Variants in PDZRN3 observed in about 807,000 individuals in gnomAD.
PDZRN3 encodes E3 ubiquitin-protein ligase PDZRN3.
A neutral mutation model predicts 85.7 loss-of-function variants in PDZRN3; 38 were observed. The observed-to-expected ratio is 0.44, with a 90% CI of 0.34 to 0.58. The LOEUF is 0.58. Ranked by LOEUF, PDZRN3 falls within the 20% of genes least tolerant of loss-of-function variation. PDZRN3 has a pLI of 0.01. For missense variants in PDZRN3, 1,629 were observed against 1,506.4 expected, an observed-to-expected ratio of 1.08 and a Z score of -1.35; for synonymous variants, 759 against 638.0, an observed-to-expected ratio of 1.19 and a Z score of -2.86.
chr3:73,519,401 A>C (rs1704312572), intron 3 of PDZRN3, among the ~76,000 whole-genome samples: 2 of 152,244 alleles, frequency 1.3e-5, no homozygotes, highest in African/African-American at 4.8e-5. Flanking sequence ...AGAGTCTAAA[A>C]GCGATATATA....
chr3:73,509,139 T>C (rs996875055), intron 3 of PDZRN3, among the ~76,000 whole-genome samples: 2 of 152,252 alleles, frequency 1.3e-5, no homozygotes, highest in Non-Finnish European at 2.9e-5. Context: ...TAGTAGTTTT[T>C]AAAACACACA....
At chr3:73,526,134 C>T (rs142858494) in intron 3 of PDZRN3, among the ~76,000 whole-genome samples, 1 of 152,222 alleles carries the variant, frequency 6.6e-6, no homozygotes, top group East Asian at 1.9e-4. Flanking sequence ...ATATTACCTA[C>T]CTCATGTTTT....
intron 3 of PDZRN3, among the ~76,000 whole-genome samples, chr3:73,509,539 A>G (rs1704126847): frequency 6.6e-6 from 1 of 152,196 alleles, no homozygotes; most frequent in African/African-American, 2.4e-5. Flanking sequence ...GCTATGGCTC[A>G]AAGGGGCGTT....
rs550233521 is a variant in PDZRN3 at position 73,623,788 on chromosome 3, T to G, written c.723+315A>C. On this transcript the variant is annotated intron_variant, in intron 1 of 9. Coordinates refer to ENST00000263666, the MANE Select transcript of PDZRN3 (RefSeq NM_015009.3). ...TGAGCAGCAAAGCCTTTGAACGCAG[T>G]TTTGACTCTGGAGCTGCATTCTTCA... 1.0e-4 allele frequency: 27 copies of G among 263,106 alleles called. No homozygotes were observed. In the South Asian group the frequency reaches 3.6e-3, roughly 35 times the overall value. The allele number at this position is 263,106 out of a possible 1,614,324, so 16.3% of individuals were successfully genotyped here. A position where few individuals can be genotyped will look rare whatever the true frequency, so the allele number is the denominator to read the frequency against.
At position 73,457,056 on chromosome 3, in the gene PDZRN3, G is replaced by C. The variant is rs1478038455; in HGVS notation, c.919-52661C>G. 3.9e-5 allele frequency among the ~76,000 whole-genome samples: 6 copies of C among 152,220 alleles called. No individual in the cohort carries two copies. In the East Asian group the frequency reaches 1.2e-3, roughly 29 times the overall value. ...GTAATATGAATGGATTCATGGCAGG[G>C]AGAAAGAAATTTCTACCTTAGCTCA... On this transcript the variant is annotated intron_variant, in intron 3 of 9. Transcript: ENST00000263666.
At chr3:73,620,028 T>C (rs750621107) in intron 1 of PDZRN3, among the ~76,000 whole-genome samples, 8 of 152,206 alleles carry the variant, frequency 5.3e-5, no homozygotes, top group Non-Finnish European at 1.2e-4. Context: ...GGTAGGTAGA[T>C]GCCCGGGATG....
At chr3:73,413,371 T>C (rs180918076) in intron 3 of PDZRN3, among the ~76,000 whole-genome samples, 109 of 152,290 alleles carry the variant, frequency 7.2e-4, no homozygotes, top group Non-Finnish European at 1.4e-3. Flanking sequence ...GTCATGTCTA[T>C]GGGAGGAGCC....
chr3:73,555,121 G>A (rs1363934287), intron 3 of PDZRN3, among the ~76,000 whole-genome samples: 1 of 152,068 alleles, frequency 6.6e-6, no homozygotes, highest in East Asian at 1.9e-4. Flanking sequence ...CCAATGTGTT[G>A]TTATTTTTTG....
At chr3:73,509,338 A>G (rs975412957) in intron 3 of PDZRN3, among the ~76,000 whole-genome samples, 39 of 152,354 alleles carry the variant, frequency 2.6e-4, no homozygotes, top group African/African-American at 8.2e-4. Flanking sequence ...GGGCGGACCC[A>G]GGAGGACGCA....
At chr3:73,609,575 C>CTGCCT in intron 1 of PDZRN3, among the ~76,000 whole-genome samples, 1 of 152,334 alleles carries the variant, frequency 6.6e-6, no homozygotes, top group East Asian at 1.9e-4. Flanking sequence ...CAAAACATCA[C>CTGCCT]AGCCTGTGTA....
At chr3:73,512,842 T>G (rs909312490) in intron 3 of PDZRN3, among the ~76,000 whole-genome samples, 1 of 152,194 alleles carries the variant, frequency 6.6e-6, no homozygotes, top group African/African-American at 2.4e-5. Context: ...GACACTAAAA[T>G]GAAAAGTAGC....
intron 3 of PDZRN3, among the ~76,000 whole-genome samples, chr3:73,434,844 G>A (rs757441504): frequency 2.0e-5 from 3 of 152,204 alleles, no homozygotes; most frequent in Non-Finnish European, 4.4e-5. Context: ...GGTTCTTGCT[G>A]CCTTGCTTCT....
chr3:73,481,861 C>G (rs1358442111), intron 3 of PDZRN3, among the ~76,000 whole-genome samples: 1 of 152,034 alleles, frequency 6.6e-6, no homozygotes, highest in South Asian at 2.1e-4. Context: ...GAGAAAAAGA[C>G]AAAAAAAGAA....
At chr3:73,388,396 A>ATATTATT (rs1277614208) in intron 7 of PDZRN3, among the ~76,000 whole-genome samples, 7 of 152,212 alleles carry the variant, frequency 4.6e-5, no homozygotes, top group African/African-American at 1.7e-4. Flanking sequence ...ACATGGAAGC[A>ATATTATT]ATTAGACATA....
At chr3:73,537,252 T>A (rs6549551) in intron 3 of PDZRN3, among the ~76,000 whole-genome samples, 1 of 152,068 alleles carries the variant, frequency 6.6e-6, no homozygotes, top group South Asian at 2.1e-4. Flanking sequence ...CTAGGGAAGG[T>A]GGGGCCACAG....
intron 3 of PDZRN3, among the ~76,000 whole-genome samples, chr3:73,529,799 G>C (rs528613726): frequency 6.6e-6 from 1 of 152,316 alleles, no homozygotes; most frequent in Non-Finnish European, 1.5e-5. Flanking sequence ...GCCAGGCTGG[G>C]TTGAGTCTAG....
chr3:73,397,576 C>T (rs1441135832), intron 5 of PDZRN3, among the ~76,000 whole-genome samples: 1 of 152,210 alleles, frequency 6.6e-6, no homozygotes, highest in African/African-American at 2.4e-5. Context: ...AACTGACTGA[C>T]CAGAGAGACA....
Position 73,496,902 on chromosome 3 carries a change from C to T in PDZRN3, c.919-92507G>A, listed in dbSNP as rs530282207. On this transcript the variant is annotated intron_variant, in intron 3 of 9. Coordinates refer to ENST00000263666, the MANE Select transcript of PDZRN3 (RefSeq NM_015009.3). Reference sequence around the variant, plus strand: ...CTGAGGACACAGTTTCTTCCTCTCCCGTCCTGTATTTGGCCTTGTCTTCAG... The same window carrying T: ...CTGAGGACACAGTTTCTTCCTCTCCTGTCCTGTATTTGGCCTTGTCTTCAG... Among the ~76,000 whole-genome samples the T allele has an allele frequency of 2.0e-4, 30 of 152,274 alleles. No individual in the cohort carries two copies. In the East Asian group the frequency reaches 2.1e-3, roughly 11 times the overall value.
At chr3:73,600,337 A>ACACACACACCCTCTCT (rs34405662) in intron 3 of PDZRN3, among the ~76,000 whole-genome samples, 1 of 100,052 alleles carries the variant, frequency 1.0e-5, no homozygotes, top group Admixed American at 1.1e-4. Context: ...ACACACACAC[A>ACACACACACCCTCTCT]CTCTCTCTCT....
Sources: gnomAD v4.1 joint callset for allele counts (sites outside exome capture counted in the v4.1 genomes callset) on GRCh38, gnomAD v4.1.1 for gene constraint, MANE v1.5 for transcripts, NCBI Gene and HGNC (gene_info 2026-07-23, HGNC 2026-07-21) for gene names.